The following CACNA2D3 variants were observed in gnomAD, a reference collection of about 807,000 sequenced individuals.
The protein encoded by CACNA2D3 is voltage-dependent calcium channel subunit alpha-2/delta-3.
In CACNA2D3, 60 loss-of-function variants were observed where a neutral mutation model predicts 160.6. That is an observed-to-expected ratio of 0.37 (90% CI 0.30 to 0.46). CACNA2D3 has a LOEUF of 0.46. Among genes scored for constraint, CACNA2D3 ranks in the 20% least tolerant of loss-of-function variants. The probability of loss-of-function intolerance (pLI) is 1.00; values close to 1 mark genes in which losing one functional copy is unlikely to be tolerated. For synonymous variants in CACNA2D3, 558 were observed against 492.9 expected, an observed-to-expected ratio of 1.13 and a Z score of -1.75; for missense variants, 1,205 against 1,365.0, an observed-to-expected ratio of 0.88 and a Z score of 1.85.
At chr3:54,823,813 G>T (rs967861724) in intron 14 of CACNA2D3, among the ~76,000 whole-genome samples, 1 of 152,064 alleles carries the variant, frequency 6.6e-6, no homozygotes, top group African/African-American at 2.4e-5. Flanking sequence ...TTTAATAGTG[G>T]CTATTTCCTA....
chr3:55,051,197 C>T (rs1007871063), intron 35 of CACNA2D3, among the ~76,000 whole-genome samples: 6 of 152,156 alleles, frequency 3.9e-5, no homozygotes, highest in African/African-American at 1.4e-4. Context: ...TTAGAATTTC[C>T]AGTTTTTCTG....
At chr3:54,277,756 A>C (rs1307846723) in intron 2 of CACNA2D3, among the ~76,000 whole-genome samples, 1 of 152,178 alleles carries the variant, frequency 6.6e-6, no homozygotes, top group Non-Finnish European at 1.5e-5. Context: ...TCTTCTGTAC[A>C]TGAGCATGGA....
At chr3:54,229,353 G>A (rs1053883660) in intron 2 of CACNA2D3, among the ~76,000 whole-genome samples, 2 of 152,046 alleles carry the variant, frequency 1.3e-5, no homozygotes, top group Non-Finnish European at 1.5e-5. Context: ...CACCATGCCC[G>A]GCTGATTTTT....
At chr3:54,607,418 T>C in intron 9 of CACNA2D3, among the ~76,000 whole-genome samples, 1 of 152,044 alleles carries the variant, frequency 6.6e-6, no homozygotes, top group Non-Finnish European at 1.5e-5. Flanking sequence ...ACCTCCTGGG[T>C]TCAAGTGATT....
At chr3:54,384,464 C>T (rs1699156687) in intron 3 of CACNA2D3, among the ~76,000 whole-genome samples, 1 of 152,140 alleles carries the variant, frequency 6.6e-6, no homozygotes, top group African/African-American at 2.4e-5. Flanking sequence ...TATATCACTG[C>T]CTGTCACTCA....
intron 11 of CACNA2D3, among the ~76,000 whole-genome samples, chr3:54,692,412 C>T (rs917132031): frequency 6.6e-6 from 1 of 152,240 alleles, no homozygotes; most frequent in Non-Finnish European, 1.5e-5. Flanking sequence ...CTCCTTAGTC[C>T]ACCACATTTC....
intron 35 of CACNA2D3, among the ~76,000 whole-genome samples, chr3:55,026,903 G>A (rs530082313): frequency 6.6e-6 from 1 of 152,190 alleles, no homozygotes; most frequent in Non-Finnish European, 1.5e-5. Context: ...TGACATGGTG[G>A]CCTCTTGAAA....
chr3:54,813,880 T>C (rs1200028586), intron 13 of CACNA2D3, among the ~76,000 whole-genome samples: 2 of 150,746 alleles, frequency 1.3e-5, no homozygotes, highest in South Asian at 2.1e-4. Flanking sequence ...TTTTTTTTTT[T>C]TTGAGACAGG....
At position 54,770,921 on chromosome 3, in the gene CACNA2D3, C is replaced by T. The variant is rs541175574; in HGVS notation, c.1380+6570C>T. Among the ~76,000 whole-genome samples, 25 of 152,294 alleles carry T rather than the reference C, an allele frequency of 1.6e-4. 1 individual carries two copies. In the South Asian group the frequency reaches 5.0e-3, roughly 30 times the overall value. ...AAGTTGCTAAAAAATTACCACTGTG[C>T]TGAATACGGGCAAAGCAACCATAAA... On this transcript the variant is annotated intron_variant, in intron 13 of 37. Coordinates refer to ENST00000474759, the MANE Select transcript of CACNA2D3 (RefSeq NM_018398.3).
intron 31 of CACNA2D3, among the ~76,000 whole-genome samples, chr3:54,991,945 C>CTGTTT (rs1173115984): frequency 6.7e-6 from 1 of 148,920 alleles, no homozygotes; most frequent in Admixed American, 6.6e-5. Context: ...CAATTTTCTC[C>CTGTTT]TGTTTTGTTT....
chr3:54,533,095 C>T (rs751569626), intron 5 of CACNA2D3, among the ~76,000 whole-genome samples: 6 of 152,150 alleles, frequency 3.9e-5, no homozygotes, highest in Admixed American at 2.0e-4. Flanking sequence ...GACTTGCCCT[C>T]CTACCTGCCT....
chr3:54,529,840 A>AT (rs1701780368), intron 5 of CACNA2D3, among the ~76,000 whole-genome samples: 1 of 152,116 alleles, frequency 6.6e-6, no homozygotes, highest in South Asian at 2.1e-4. Flanking sequence ...TACTTTGGAT[A>AT]TTTTAGATTT....
At chr3:54,957,626 T>A (rs1198367897) in intron 27 of CACNA2D3, among the ~76,000 whole-genome samples, 9 of 151,994 alleles carry the variant, frequency 5.9e-5, no homozygotes, top group African/African-American at 9.7e-5. Context: ...GGTGGGGAAG[T>A]GCTGTAACTG....
chr3:54,500,504 T>TCTTCCTTCCTTCCTTCCTTCCTTC (rs56816802), intron 4 of CACNA2D3, among the ~76,000 whole-genome samples: 44 of 102,120 alleles, frequency 4.3e-4, no homozygotes, highest in African/African-American at 1.8e-3. Context: ...TTCCTTCCTA[T>TCTTCCTTCCTTCCTTCCTTCCTTC]CTTCCTTCCT....
At chr3:54,888,317 G>C (rs1699974802) in intron 24 of CACNA2D3, among the ~76,000 whole-genome samples, 1 of 152,186 alleles carries the variant, frequency 6.6e-6, no homozygotes. Flanking sequence ...CCGAGAGAGA[G>C]GGAGGCGGAA....
chr3:54,739,751 A>ATG lies in CACNA2D3; in HGVS notation c.1168-12805_1168-12804dup, dbSNP rs5849058. On this transcript the variant is annotated intron_variant, in intron 11 of 37. Coordinates refer to ENST00000474759, the MANE Select transcript of CACNA2D3 (RefSeq NM_018398.3). The stretch of plus-strand genomic sequence containing the variant: ...GAATGACAGGCCCTTCTCCTCATAT[A>ATG]TGTGTGTGTGTGTGTGTGTGTGTGT... Among the ~76,000 whole-genome samples the ATG allele has an allele frequency of 4.1e-3, 596 of 145,930 alleles. 6 individuals are homozygous for ATG. The highest frequency in any genetic ancestry group is 0.012 in the African/African-American group (483 of 38,646).
chr3:54,251,777 G>A (rs1702192949), intron 2 of CACNA2D3, among the ~76,000 whole-genome samples: 1 of 152,202 alleles, frequency 6.6e-6, no homozygotes, highest in African/African-American at 2.4e-5. Context: ...GAACTGACAT[G>A]GAGCAGCGTT....
intron 3 of CACNA2D3, among the ~76,000 whole-genome samples, chr3:54,361,100 T>C (rs141158441): frequency 7.8e-4 from 119 of 152,200 alleles, no homozygotes; most frequent in African/African-American, 2.7e-3. Flanking sequence ...CATAAAAATG[T>C]AATGTTTCTT....
At chr3:54,235,352 G>T (rs1342424073) in intron 2 of CACNA2D3, among the ~76,000 whole-genome samples, 1 of 152,188 alleles carries the variant, frequency 6.6e-6, no homozygotes, top group Admixed American at 6.5e-5. Context: ...GCATGAAGCT[G>T]CATCTGCTCG....
Sources: allele counts gnomAD v4.1 joint callset (sites outside exome capture counted in the v4.1 genomes callset), GRCh38; gene constraint gnomAD v4.1.1; transcripts MANE v1.5; gene names NCBI Gene and HGNC (gene_info 2026-07-23, HGNC 2026-07-21).